Variants in SP3 observed in about 807,000 individuals in gnomAD.
SP3 encodes transcription factor Sp3.
A neutral mutation model predicts 70.3 loss-of-function variants in SP3; 10 were observed. The observed-to-expected ratio is 0.14, with a 90% confidence interval of 0.09 to 0.24. The LOEUF (loss-of-function observed/expected upper bound fraction) is 0.24. SP3 is among the 10% of genes least tolerant of loss of function. The pLI is 1.00. For missense variants in SP3, 825 were observed against 914.6 expected, an observed-to-expected ratio of 0.90 and a Z score of 1.26; for synonymous variants, 402 against 333.5, an observed-to-expected ratio of 1.21 and a Z score of -2.24.
chr2:173,937,694 A>T (rs6711910), intron 4 of SP3, among the ~76,000 whole-genome samples: 11,984 of 152,222 alleles, frequency 0.079, 597 homozygotes, highest in African/African-American at 0.13. Flanking sequence ...TAAAACTCAC[A>T]TTCTCAAAAC....
In SP3 at chr2:173,904,981, A is replaced by C. The variant is rs1261710796; in HGVS notation, c.*4960T>G. Among the ~76,000 whole-genome samples the C allele has an allele frequency of 6.6e-6, 1 of 152,062 alleles. No individual in the cohort carries two copies. Among genetic ancestry groups the C allele is most frequent in the African/African-American group, 2.4e-5 (1 of 41,442 alleles). On this transcript the variant is annotated 3_prime_UTR_variant, in exon 7 of 7. Transcript: ENST00000310015. ...GAAGATTCTTCGGCTGGTTTTTAGA[A>C]ATGTTCAAATAGGATAGACTCTTAC...
At chr2:173,943,968 T>C (rs1434679914) in intron 4 of SP3, among the ~76,000 whole-genome samples, 2 of 152,224 alleles carry the variant, frequency 1.3e-5, no homozygotes, top group Admixed American at 1.3e-4. Context: ...CTGAGTACTA[T>C]AGGCAACTGT....
chr2:173,948,383 A>G (rs950945541), intron 4 of SP3, among the ~76,000 whole-genome samples: 1 of 152,150 alleles, frequency 6.6e-6, no homozygotes, highest in Admixed American at 6.6e-5. Flanking sequence ...CACCTGGGAC[A>G]TGAATCATTC....
At position 173,907,529 on chromosome 2, in the gene SP3, GACT is replaced by G. The variant is rs1255060011; in HGVS notation, c.*2409_*2411del. The G allele has an allele frequency of 2.0e-5, 3 of 152,006 alleles. No homozygotes were observed. The highest frequency in any genetic ancestry group is 4.8e-5 in the African/African-American group (2 of 41,408). The allele number at this position is 152,006 out of a possible 1,614,324, so 9.4% of individuals were successfully genotyped here. A position where few individuals can be genotyped will look rare whatever the true frequency, so the allele number is the denominator to read the frequency against. On this transcript the variant is annotated 3_prime_UTR_variant, in exon 7 of 7. Coordinates refer to ENST00000310015, the MANE Select transcript of SP3 (RefSeq NM_003111.5). ...ACAACTTTATTTAAATAATTTTCAAGACTACTTACTTTCTTCATTGCATTCATT... is the reference window on the plus strand; with the variant it reads ...ACAACTTTATTTAAATAATTTTCAAGACTTACTTTCTTCATTGCATTCATT...
At position 173,905,525 on chromosome 2, in the gene SP3, G is replaced by A. The variant is rs1231751862; in HGVS notation, c.*4416C>T. ...GACTGAAGGAGATAGGCCTTCTCAG[G>A]ATATCATTCTTAACATCAAAAACTG... On this transcript the variant is annotated 3_prime_UTR_variant, in exon 7 of 7. Transcript: ENST00000310015. Among the ~76,000 whole-genome samples the A allele has an allele frequency of 6.6e-6, 1 of 152,066 alleles. No homozygotes were observed. The highest frequency in any genetic ancestry group is 1.5e-5 in the Non-Finnish European group (1 of 68,022).
chr2:173,930,670 A>T (rs1690043391), intron 4 of SP3, among the ~76,000 whole-genome samples: 1 of 152,178 alleles, frequency 6.6e-6, no homozygotes. Context: ...TTATATAATA[A>T]TATTGTTCTC....
rs1042244621 is a variant in SP3, at chr2:173,905,712, G to A, written c.*4229C>T. On this transcript the variant is annotated 3_prime_UTR_variant, in exon 7 of 7. Coordinates refer to ENST00000310015, the MANE Select transcript of SP3 (RefSeq NM_003111.5). Reference sequence around the variant, plus strand: ...AACCTTGTATACCCTTTAGACTCCAGATTTGGCCAAGCGTGGTGGCTCACG... The same window carrying A: ...AACCTTGTATACCCTTTAGACTCCAAATTTGGCCAAGCGTGGTGGCTCACG... 7.9e-5 allele frequency among the ~76,000 whole-genome samples: 12 copies of A among 151,822 alleles called. No homozygotes were observed. Among genetic ancestry groups the A allele is most frequent in the African/African-American group, 2.9e-4 (12 of 41,308 alleles).
At chr2:173,911,813 CTTTTT>C (rs11448837) in intron 6 of SP3, among the ~76,000 whole-genome samples, 8 of 98,040 alleles carry the variant, frequency 8.2e-5, no homozygotes, top group African/African-American at 2.1e-4. Flanking sequence ...TTTTATCTAC[CTTTTT>C]TTTTTTTTTT....
chr2:173,963,706 G>A (rs1691162864), intron 3 of SP3, 55 bp downstream of exon 3: 7 of 711,364 alleles, frequency 9.8e-6, no homozygotes, highest in Non-Finnish European at 1.2e-5. Flanking sequence ...CGCGCCACGG[G>A]TCCGGGATGG....
chr2:173,931,121 T>TA (rs1231763373), intron 4 of SP3, among the ~76,000 whole-genome samples: 1 of 152,186 alleles, frequency 6.6e-6, no homozygotes, highest in Non-Finnish European at 1.5e-5. Flanking sequence ...TACATTAATT[T>TA]AAAAAAACTT....
intron 4 of SP3, among the ~76,000 whole-genome samples, chr2:173,927,644 C>G (rs545308840): frequency 2.6e-5 from 4 of 152,260 alleles, no homozygotes; most frequent in African/African-American, 9.6e-5. Flanking sequence ...AACTCATTTT[C>G]TCAAATTTAA....
At chr2:173,962,201 A>G (rs1023609001) in intron 3 of SP3, among the ~76,000 whole-genome samples, 2 of 152,126 alleles carry the variant, frequency 1.3e-5, no homozygotes, top group African/African-American at 4.8e-5. Flanking sequence ...TCACATATGT[A>G]TGTACATACA....
rs1259090765 is a variant in SP3, at chr2:173,964,572, G to C, written c.8-19C>G. 1 of 676,922 alleles carries C rather than the reference G, an allele frequency of 1.5e-6. No homozygotes were observed. Among genetic ancestry groups the C allele is most frequent in the South Asian group, 1.5e-5 (1 of 65,870 alleles). 41.9% of individuals were successfully genotyped at this position (676,922 alleles called of 1,614,324 possible). On this transcript the variant is annotated intron_variant, in intron 1 of 6. Coordinates refer to ENST00000310015, the MANE Select transcript of SP3 (RefSeq NM_003111.5). ...TCGGGAGCTGCAGGCACAGCGCGGG[G>C]GGGTGGGGGTGGGGAGGAAGGCGGG...
At position 173,905,736 on chromosome 2, in the gene SP3, C is replaced by T. The variant is rs139436265; in HGVS notation, c.*4205G>A. ...AGATTTGGCCAAGCGTGGTGGCTCA[C>T]GCCTATAATCCCAACACTTTGGGAG... On this transcript the variant is annotated 3_prime_UTR_variant, in exon 7 of 7. Transcript: ENST00000310015. 1.3e-5 allele frequency among the ~76,000 whole-genome samples: 2 copies of T among 151,980 alleles called. No homozygotes were observed. The highest frequency in any genetic ancestry group is 1.9e-4 in the East Asian group (1 of 5,180).
intron 6 of SP3, among the ~76,000 whole-genome samples, chr2:173,910,481 C>T (rs1160001366): frequency 6.6e-6 from 1 of 152,160 alleles, no homozygotes; most frequent in African/African-American, 2.4e-5. Flanking sequence ...AGTCTTCAAA[C>T]ATGTATTATA....
At chr2:173,943,885 G>A (rs1434193335) in intron 4 of SP3, among the ~76,000 whole-genome samples, 1 of 152,202 alleles carries the variant, frequency 6.6e-6, no homozygotes, top group African/African-American at 2.4e-5. Context: ...TAGTGGTATA[G>A]TCTACTACAT....
chr2:173,934,177 C>T (rs1453480959), intron 4 of SP3, among the ~76,000 whole-genome samples: 1 of 151,714 alleles, frequency 6.6e-6, no homozygotes, highest in Admixed American at 6.6e-5. Flanking sequence ...GAGTTTGAGG[C>T]TGCAGTGAGC....
intron 4 of SP3, among the ~76,000 whole-genome samples, chr2:173,941,915 A>G (rs1485809993): frequency 6.6e-6 from 1 of 152,188 alleles, no homozygotes; most frequent in African/African-American, 2.4e-5. Context: ...AGACCACAGT[A>G]AGTAGTTTTT....
intron 4 of SP3, among the ~76,000 whole-genome samples, chr2:173,925,275 C>T (rs1689883473): frequency 6.6e-6 from 1 of 152,136 alleles, no homozygotes. Context: ...CTGTCACACG[C>T]TACAACACGG....
Sources: allele counts gnomAD v4.1 joint callset (sites outside exome capture counted in the v4.1 genomes callset), GRCh38; gene constraint gnomAD v4.1.1; transcripts MANE v1.5; gene names NCBI Gene and HGNC (gene_info 2026-07-23, HGNC 2026-07-21).